Variants in ACVR1C observed in about 807,000 individuals in gnomAD.
ACVR1C encodes activin receptor type-1C.
ACVR1C carries 23 observed loss-of-function variants against 57.9 expected under a neutral mutation model. That is an observed-to-expected ratio of 0.40 (90% CI 0.29 to 0.56). ACVR1C has a LOEUF of 0.56. ACVR1C is among the 20% of genes least tolerant of loss of function. The pLI is 0.50. For missense variants in ACVR1C, 480 were observed against 607.9 expected (o/e 0.79, Z 2.21); for synonymous variants, 214 against 215.3 (o/e 0.99, Z 0.05).
intron 2 of ACVR1C, among the ~76,000 whole-genome samples, chr2:157,566,849 T>G (rs2105236146): frequency 6.6e-6 from 1 of 152,244 alleles, no homozygotes; most frequent in South Asian, 2.1e-4. Flanking sequence ...AAGCTCGAAC[T>G]GGGTGGAGCC....
intron 3 of ACVR1C, among the ~76,000 whole-genome samples, chr2:157,554,268 A>AAGGG (rs1688019044): frequency 8.8e-6 from 1 of 113,562 alleles, no homozygotes; most frequent in Non-Finnish European, 1.7e-5. Flanking sequence ...AGAAAGAAAG[A>AAGGG]AAGGAAGGAA....
intron 1 of ACVR1C, among the ~76,000 whole-genome samples, chr2:157,622,536 A>G (rs1395406475): frequency 6.6e-6 from 1 of 152,212 alleles, no homozygotes; most frequent in Non-Finnish European, 1.5e-5. Flanking sequence ...TCTTCAATAA[A>G]TGGTCCTGGG....
At chr2:157,575,383 T>C (rs1158399189) in intron 2 of ACVR1C, among the ~76,000 whole-genome samples, 1 of 152,216 alleles carries the variant, frequency 6.6e-6, no homozygotes, top group Non-Finnish European at 1.5e-5. Context: ...TCCACCCACC[T>C]TGGCCTCCCA....
chr2:157,554,383 GGAA>G (rs1688038650), intron 3 of ACVR1C, among the ~76,000 whole-genome samples: 1 of 140,678 alleles, frequency 7.1e-6, no homozygotes, highest in African/African-American at 2.8e-5. Flanking sequence ...AGGGAGGGAG[GGAA>G]GGAAGGAAGG....
intron 1 of ACVR1C, among the ~76,000 whole-genome samples, chr2:157,622,787 G>A (rs573811397): frequency 1.7e-3 from 263 of 152,038 alleles, no homozygotes; most frequent in African/African-American, 6.1e-3. Flanking sequence ...GATTCTGCAT[G>A]GTAAAGGATA....
intron 1 of ACVR1C, among the ~76,000 whole-genome samples, chr2:157,617,071 C>G (rs1682669536): frequency 6.6e-6 from 1 of 151,746 alleles, no homozygotes. Flanking sequence ...GATGCACTTT[C>G]CTTATAAAGA....
At chr2:157,584,019 A>T (rs1447126781) in intron 2 of ACVR1C, among the ~76,000 whole-genome samples, 1 of 152,008 alleles carries the variant, frequency 6.6e-6, no homozygotes, top group Non-Finnish European at 1.5e-5. Flanking sequence ...ATCAGACTTC[A>T]TCAAAATTTC....
At chr2:157,551,391 C>T (rs1687921674) in intron 3 of ACVR1C, among the ~76,000 whole-genome samples, 1 of 152,096 alleles carries the variant, frequency 6.6e-6, no homozygotes, top group Admixed American at 6.6e-5. Context: ...GGATGGCTTA[C>T]TCAGAGCCAA....
intron 2 of ACVR1C, among the ~76,000 whole-genome samples, chr2:157,560,554 T>C (rs772591303): frequency 5.3e-5 from 8 of 152,212 alleles, no homozygotes; most frequent in Non-Finnish European, 7.3e-5. Context: ...CTTGCCCATG[T>C]TACCTGAATC....
chr2:157,624,278 C>T (rs963881957), intron 1 of ACVR1C, among the ~76,000 whole-genome samples: 1 of 152,164 alleles, frequency 6.6e-6, no homozygotes, highest in Non-Finnish European at 1.5e-5. Flanking sequence ...ATCAGAATAA[C>T]AGGTCCCACA....
intron 1 of ACVR1C, among the ~76,000 whole-genome samples, chr2:157,607,119 C>T (rs534512639): frequency 1.3e-5 from 2 of 151,770 alleles, no homozygotes; most frequent in Non-Finnish European, 3.0e-5. Flanking sequence ...GATCAGTTGG[C>T]TGTAAATACG....
At chr2:157,544,662 G>A (rs1364536406) in intron 4 of ACVR1C, 50 bp from the exon 5 acceptor site, 47 of 1,484,146 alleles carry the variant, frequency 3.2e-5, no homozygotes, top group Non-Finnish European at 4.1e-5. Context: ...TGAGAAAGAA[G>A]CCAAAAGCTT....
chr2:157,564,951 C>T (rs1262332203), intron 2 of ACVR1C, among the ~76,000 whole-genome samples: 1 of 152,022 alleles, frequency 6.6e-6, no homozygotes, highest in Non-Finnish European at 1.5e-5. Flanking sequence ...ACACCGGGAC[C>T]TGTCAGGGGG....
At chr2:157,558,768 C>T (rs529400540) in intron 2 of ACVR1C, among the ~76,000 whole-genome samples, 1 of 152,142 alleles carries the variant, frequency 6.6e-6, no homozygotes, top group Non-Finnish European at 1.5e-5. Flanking sequence ...CTTTAGTAAT[C>T]ATTAGCCATG....
In ACVR1C at chr2:157,556,157, CA is replaced by C; in HGVS notation, c.479del (p.Leu160ArgfsTer2). The C allele has an allele frequency of 6.2e-7, 1 of 1,613,988 alleles. No homozygotes were observed. The highest frequency in any genetic ancestry group is 8.5e-7 in the Non-Finnish European group (1 of 1,179,954). On this transcript the variant is annotated frameshift_variant, in exon 3 of 9. Coordinates refer to ENST00000243349, the MANE Select transcript of ACVR1C (RefSeq NM_145259.3). LOFTEE classifies it high-confidence loss of function. ...NVEEPLSECN[L>X]VNAGKTLKDL... is the part of the protein sequence containing the mutation. Reference sequence around the variant, plus strand: ...CTTTCAGAGTTTTTCCAGCATTTACCAGATTGCACTCAGAGAGTGGTTCCTC... The same window carrying C: ...CTTTCAGAGTTTTTCCAGCATTTACCGATTGCACTCAGAGAGTGGTTCCTC...
At chr2:157,536,778 G>A (rs1206775100) in intron 8 of ACVR1C, among the ~76,000 whole-genome samples, 1 of 152,020 alleles carries the variant, frequency 6.6e-6, no homozygotes, top group Non-Finnish European at 1.5e-5. Flanking sequence ...ATAAAATGAG[G>A]CCAATATCTA....
chr2:157,539,093 T>C (rs1485713061), intron 7 of ACVR1C, among the ~76,000 whole-genome samples: 2 of 151,782 alleles, frequency 1.3e-5, no homozygotes, highest in African/African-American at 4.8e-5. Flanking sequence ...AATTTAAAAG[T>C]GATGCCTACT....
At chr2:157,588,847 C>CTATATATA (rs1688989221) in intron 1 of ACVR1C, among the ~76,000 whole-genome samples, 4 of 27,950 alleles carry the variant, frequency 1.4e-4, no homozygotes, top group South Asian at 8.9e-4. Context: ...CACAAACACA[C>CTATATATA]CATATATATA....
chr2:157,595,990 G>A (rs1448764186), intron 1 of ACVR1C, among the ~76,000 whole-genome samples: 2 of 152,204 alleles, frequency 1.3e-5, no homozygotes, highest in Non-Finnish European at 2.9e-5. Context: ...CCACTAGAAT[G>A]AAAACTTCAT....
Sources: allele counts gnomAD v4.1 joint callset (sites outside exome capture counted in the v4.1 genomes callset), GRCh38; gene constraint gnomAD v4.1.1; transcripts MANE v1.5; gene names NCBI Gene and HGNC (gene_info 2026-07-23, HGNC 2026-07-21).